MYH14: variants seen among roughly 807,000 people sequenced by gnomAD.
The protein encoded by MYH14 is myosin heavy chain 14.
MYH14 carries 123 observed loss-of-function variants against 255.5 expected under a neutral mutation model. The observed-to-expected ratio is 0.48, with a 90% CI of 0.42 to 0.56. The LOEUF (loss-of-function observed/expected upper bound fraction) is 0.56. Among genes scored for constraint, MYH14 ranks in the 20% least tolerant of loss-of-function variants. The pLI, the probability that MYH14 is intolerant of heterozygous loss-of-function variation, is 0.00. For synonymous variants in MYH14, 1,095 were observed against 1,161.2 expected, an observed-to-expected ratio of 0.94 and a Z score of 1.16; for missense variants, 2,423 against 2,802.3, an observed-to-expected ratio of 0.86 and a Z score of 3.06.
Position 50,250,336 on chromosome 19 carries a change from C to T in MYH14, c.1657-179C>T, listed in dbSNP as rs1014439122. 9.3e-5 allele frequency among the ~76,000 whole-genome samples: 14 copies of T among 151,322 alleles called. No homozygotes were observed. The highest frequency in any genetic ancestry group is 2.7e-4 in the African/African-American group (11 of 41,186). ...CAGGATGGTCTCGATCTCCTGACCT[C>T]GTGATCTACCCGCCTCGGCCTCCCA... On this transcript the variant is annotated intron_variant, in intron 14 of 42. Transcript: ENST00000642316. The surrounding 1 kb of genome is among the most constrained non-coding windows in gnomAD (Gnocchi z 5.4).
At chr19:50,281,065 C>T (rs957032469) in intron 32 of MYH14, among the ~76,000 whole-genome samples, 14 of 152,124 alleles carry the variant, frequency 9.2e-5, no homozygotes, top group African/African-American at 3.4e-4. Flanking sequence ...GAGTTAGATC[C>T]AGGTCTGTAG....
At position 50,213,822 on chromosome 19, in the gene MYH14, T is replaced by G. The variant is rs571974982; in HGVS notation, c.405+3052T>G. On this transcript the variant is annotated intron_variant, in intron 2 of 42. Coordinates refer to ENST00000642316, the MANE Select transcript of MYH14 (RefSeq NM_001145809.2). The stretch of plus-strand genomic sequence containing the variant: ...GCAGTGTTTCAAGGTCCATGTTCTG[T>G]TTTTTGTTTGTTTGTTTGTTTTAGA... 2.0e-4 allele frequency among the ~76,000 whole-genome samples: 31 copies of G among 152,200 alleles called. No homozygotes were observed. In the South Asian group the frequency reaches 6.4e-3, roughly 32 times the overall value.
intron 2 of MYH14, among the ~76,000 whole-genome samples, chr19:50,213,175 C>T (rs758127556): frequency 3.3e-5 from 5 of 152,146 alleles, no homozygotes; most frequent in African/African-American, 4.8e-5. Context: ...GCTCGAACCT[C>T]TGAGCTCAAG....
rs541871449 is a variant in MYH14, at chr19:50,252,347, C to T, written c.1831-292C>T. 2.4e-4 allele frequency among the ~76,000 whole-genome samples: 36 copies of T among 152,124 alleles called. No homozygotes were observed. Among genetic ancestry groups the T allele is most frequent in the Middle Eastern group, 3.4e-3 (1 of 294 alleles). ...TAAAACCCCGAGGTGGGAGTAAGCT[C>T]GCATGTTTGAGGAACAGTGCGGAGG... On this transcript the variant is annotated intron_variant, in intron 15 of 42. Coordinates refer to ENST00000642316, the MANE Select transcript of MYH14 (RefSeq NM_001145809.2). This position sits in a 1 kb window ranked among gnomAD's most constrained non-coding sequence, Gnocchi z 4.2.
At chr19:50,260,120 T>A (rs1029563187) in intron 19 of MYH14, among the ~76,000 whole-genome samples, 2 of 151,908 alleles carry the variant, frequency 1.3e-5, no homozygotes, top group African/African-American at 4.8e-5. Flanking sequence ...CTAAAGCCAA[T>A]ACATCCAAAA....
chr19:50,282,514 C>T (rs1329018386), intron 33 of MYH14, among the ~76,000 whole-genome samples: 1 of 152,152 alleles, frequency 6.6e-6, no homozygotes, highest in Non-Finnish European at 1.5e-5. Context: ...CCAGCATGGG[C>T]AACACGGTGA....
chr19:50,302,907 GA>G (rs901804721), intron 40 of MYH14, among the ~76,000 whole-genome samples: 6 of 148,214 alleles, frequency 4.0e-5, no homozygotes, highest in African/African-American at 1.5e-4. Context: ...GCCTCAAAAA[GA>G]AAAAAAAAGA....
At chr19:50,301,032 C>T (rs554962468) in intron 39 of MYH14, among the ~76,000 whole-genome samples, 1 of 152,162 alleles carries the variant, frequency 6.6e-6, no homozygotes, top group South Asian at 2.1e-4. Flanking sequence ...AAGTATGAAT[C>T]AGACTGGGTC....
Position 50,266,854 on chromosome 19 carries a change from C to G in MYH14, c.2695-23C>G. On this transcript the variant is annotated intron_variant, in intron 22 of 42. Coordinates refer to ENST00000642316, the MANE Select transcript of MYH14 (RefSeq NM_001145809.2). This position sits in a 1 kb window ranked among gnomAD's most constrained non-coding sequence, Gnocchi z 4.1. ...GTCTTGGCGCCTGAAGTCAGCCATT[C>G]CACCCCTTTCACCTCCACCTAGGTG... The G allele has an allele frequency of 6.4e-7, 1 of 1,551,552 alleles. No homozygotes were observed. The highest frequency in any genetic ancestry group is 1.2e-5 in the South Asian group (1 of 84,062).
chr19:50,220,795 C>T (rs1267648870), intron 3 of MYH14, among the ~76,000 whole-genome samples: 11 of 152,002 alleles, frequency 7.2e-5, no homozygotes, highest in South Asian at 2.1e-4. Context: ...TCAGGTGATC[C>T]GCCTACCTCA....
intron 36 of MYH14, among the ~76,000 whole-genome samples, chr19:50,291,629 C>T (rs1207621073): frequency 3.3e-5 from 5 of 152,124 alleles, no homozygotes; most frequent in Non-Finnish European, 5.9e-5. Flanking sequence ...CTTTGGGAGG[C>T]CAAGATGGGC....
chr19:50,229,665 AC>A lies in MYH14; in HGVS notation c.875-859del, dbSNP rs1282301260. ...AAAAAACAAAACAAAACAAAACAAA[AC>A]AAACAAAAGTCTTGCCACCTTTTAA... On this transcript the variant is annotated intron_variant, in intron 8 of 42. Transcript: ENST00000642316. Among the ~76,000 whole-genome samples, 17 of 152,174 alleles carry A rather than the reference AC, an allele frequency of 1.1e-4. No homozygotes were observed. The South Asian group carries it at 3.5e-3, about 32-fold the overall frequency.
chr19:50,228,786 G>A (rs1037655885), intron 8 of MYH14, among the ~76,000 whole-genome samples: 1 of 152,192 alleles, frequency 6.6e-6, no homozygotes, highest in Non-Finnish European at 1.5e-5. Context: ...TCCCCATGCA[G>A]TGTGGCTGCC....
chr19:50,245,727 A>G (rs1013271224), intron 11 of MYH14, among the ~76,000 whole-genome samples: 4 of 152,182 alleles, frequency 2.6e-5, no homozygotes, highest in Non-Finnish European at 5.9e-5. Flanking sequence ...TTACCCCACT[A>G]TGCTGCTGGT....
chr19:50,259,023 T>A (rs2034713855), intron 18 of MYH14, 121 bp from the exon 19 acceptor site: 1 of 1,356,776 alleles, frequency 7.4e-7, no homozygotes, highest in Non-Finnish European at 9.8e-7. Context: ...CTAGAACCGT[T>A]CCTAGGCACC....
At chr19:50,232,593 C>CAAAAAAAAAAA (rs532232129) in intron 10 of MYH14, among the ~76,000 whole-genome samples, 9 of 63,694 alleles carry the variant, frequency 1.4e-4, no homozygotes, top group Non-Finnish European at 1.6e-4. Context: ...GACTCTGTCT[C>CAAAAAAAAAAA]AAAAAAAAAA....
intron 33 of MYH14, 48 bp downstream of exon 33, chr19:50,281,890 C>T (rs571949502): frequency 1.1e-5 from 18 of 1,581,914 alleles, no homozygotes; most frequent in South Asian, 7.9e-5. Flanking sequence ...AGTCCATCTA[C>T]GCTTCCCATG....
At chr19:50,302,165 T>TGG (rs894160945) in intron 40 of MYH14, among the ~76,000 whole-genome samples, 1 of 142,458 alleles carries the variant, frequency 7.0e-6, no homozygotes, top group African/African-American at 2.6e-5. Flanking sequence ...GTGCCTGTAG[T>TGG]CCCAGCTGCT....
At chr19:50,309,434 T>C in intron 42 of MYH14, 3 of 617,390 alleles carry the variant, frequency 4.9e-6, no homozygotes, top group Non-Finnish European at 5.8e-6. Context: ...TCCTCCTCTC[T>C]GTGTGTCCTT....
Sources: allele counts gnomAD v4.1 joint callset (sites outside exome capture counted in the v4.1 genomes callset), GRCh38; gene constraint gnomAD v4.1.1; non-coding constraint Gnocchi (gnomAD v3.1); transcripts MANE v1.5; gene names NCBI Gene and HGNC (gene_info 2026-07-23, HGNC 2026-07-21).